The following PCDHA4 variants were observed in gnomAD, a reference collection of about 807,000 sequenced individuals.
The protein encoded by PCDHA4 is protocadherin alpha-4.
PCDHA4 carries 49 observed loss-of-function variants against 61.4 expected under a neutral mutation model. The ratio of observed to expected loss-of-function variants is 0.80; its 90% CI spans 0.63 to 1.01. The LOEUF is 1.01. Among genes scored for constraint, PCDHA4 ranks in the 50% least tolerant of loss-of-function variants. The pLI, the probability that PCDHA4 is intolerant of heterozygous loss-of-function variation, is 0.00. For synonymous variants in PCDHA4, 590 were observed against 550.3 expected, an observed-to-expected ratio of 1.07 and a Z score of -1.01; for missense variants, 1,254 against 1,235.8, an observed-to-expected ratio of 1.01 and a Z score of -0.22.
intron 1 of PCDHA4, among the ~76,000 whole-genome samples, chr5:140,916,747 G>T (rs1445361224): frequency 2.6e-5 from 4 of 152,220 alleles, no homozygotes; most frequent in African/African-American, 9.6e-5. Context: ...TTCACTGCCT[G>T]GGATTAGGGG....
chr5:140,943,491 G>A (rs1387185924), intron 1 of PCDHA4, among the ~76,000 whole-genome samples: 4 of 151,986 alleles, frequency 2.6e-5, no homozygotes, highest in Non-Finnish European at 5.9e-5. Context: ...ATAAATAGAT[G>A]CTATCAAGGT....
At chr5:140,823,090 A>T in intron 1 of PCDHA4, 1 of 1,614,038 alleles carries the variant, frequency 6.2e-7, no homozygotes, top group Non-Finnish European at 8.5e-7. Context: ...GGCCACCGCC[A>T]GCGTGTCTGT....
At chr5:140,863,076 G>A (rs782126148) in intron 1 of PCDHA4, 19 of 569,916 alleles carry the variant, frequency 3.3e-5, no homozygotes, top group South Asian at 2.5e-4. Context: ...GGCTCTGCAC[G>A]GGCGAGATCA....
At chr5:140,933,212 T>C (rs2088935461) in intron 1 of PCDHA4, among the ~76,000 whole-genome samples, 1 of 151,682 alleles carries the variant, frequency 6.6e-6, no homozygotes, top group African/African-American at 2.4e-5. Context: ...ATTACATGTC[T>C]GTTATATTGC....
chr5:140,910,053 G>C (rs2074856503), intron 1 of PCDHA4, among the ~76,000 whole-genome samples: 1 of 152,170 alleles, frequency 6.6e-6, no homozygotes, highest in Non-Finnish European at 1.5e-5. Context: ...CATAATAAGT[G>C]ATCTTTTAAC....
intron 1 of PCDHA4, among the ~76,000 whole-genome samples, chr5:140,904,904 C>G (rs1463349424): frequency 6.6e-6 from 1 of 151,948 alleles, no homozygotes; most frequent in Non-Finnish European, 1.5e-5. Context: ...GTTTTTCTTA[C>G]TGATTTGTTT....
intron 1 of PCDHA4, chr5:140,812,931 A>T (rs1192627991): frequency 6.6e-6 from 1 of 152,234 alleles, no homozygotes; most frequent in African/African-American, 2.4e-5. Context: ...TTTAATTTCT[A>T]CATATTTGCA....
chr5:140,944,182 GTTTGT>G (rs750577669), intron 1 of PCDHA4, among the ~76,000 whole-genome samples: 4 of 152,050 alleles, frequency 2.6e-5, no homozygotes, highest in African/African-American at 2.4e-5. Context: ...TTTTTTGTTG[GTTTGT>G]TTTGTTTTGT....
chr5:140,868,990 G>A (rs1554162367), intron 1 of PCDHA4: 39 of 1,511,606 alleles, frequency 2.6e-5, no homozygotes, highest in Non-Finnish European at 2.4e-5. Flanking sequence ...GGATGCCACC[G>A]TTTAAGGATC....
At chr5:140,882,201 C>T in intron 1 of PCDHA4, 1 of 1,528,460 alleles carries the variant, frequency 6.5e-7, no homozygotes, top group Non-Finnish European at 8.8e-7. Context: ...AAAATTGGGC[C>T]TTGAGAGACA....
rs1554124677 is a variant in PCDHA4 at position 140,808,653 on chromosome 5, T to C, written c.1466T>C (p.Leu489Pro). 2 of 1,613,224 alleles carry C rather than the reference T, an allele frequency of 1.2e-6. No homozygotes were observed. Among genetic ancestry groups the C allele is most frequent in the Admixed American group, 1.7e-5 (1 of 60,028 alleles). ...GACGCGGACGCGCAGGAGAACGCGC[T>C]GGTGTCCTACTCGCTGGTAGAGCGG... ...AWDADAQENA[L>P]VSYSLVERRV... Residue 489 changes from leucine to proline, a missense_variant, in exon 1 of 4, where the codon CTG becomes CCG. Physicochemically the swap from Leu to Pro is moderately conservative, Grantham distance 98 (BLOSUM62 -3). Coordinates refer to ENST00000530339, the MANE Select transcript of PCDHA4 (RefSeq NM_018907.4).
chr5:140,995,606 C>G (rs532220927), intron 3 of PCDHA4, among the ~76,000 whole-genome samples: 30 of 152,102 alleles, frequency 2.0e-4, no homozygotes, highest in Non-Finnish European at 3.7e-4. Context: ...TTTTTCTTCT[C>G]CCAAACCAAA....
intron 1 of PCDHA4, chr5:140,843,324 C>A: frequency 6.3e-7 from 1 of 1,596,010 alleles, no homozygotes; most frequent in Middle Eastern, 1.7e-4. Flanking sequence ...GTTCTGGTGT[C>A]GCTGGTGGAG....
At chr5:140,874,530 G>T (rs1332198120) in intron 1 of PCDHA4, among the ~76,000 whole-genome samples, 2 of 152,200 alleles carry the variant, frequency 1.3e-5, no homozygotes, top group Admixed American at 6.5e-5. Flanking sequence ...ATGAGATTAG[G>T]CTCCAAAACC....
intron 1 of PCDHA4, chr5:140,928,163 C>A: frequency 6.2e-7 from 1 of 1,614,204 alleles, no homozygotes; most frequent in Non-Finnish European, 8.5e-7. Flanking sequence ...GGCTCACCCC[C>A]ACTTAGCACC....
intron 1 of PCDHA4, among the ~76,000 whole-genome samples, chr5:140,953,973 C>T (rs958351959): frequency 6.6e-5 from 10 of 152,036 alleles, no homozygotes; most frequent in Non-Finnish European, 1.3e-4. Context: ...GTGTGTTGTT[C>T]CCCTTCATAT....
At chr5:140,953,228 G>C (rs2094861370) in intron 1 of PCDHA4, among the ~76,000 whole-genome samples, 2 of 152,124 alleles carry the variant, frequency 1.3e-5, no homozygotes, top group African/African-American at 4.8e-5. Context: ...CTTCTGCTTG[G>C]TAGCAGTTCA....
chr5:140,848,527 G>A (rs1379026024), intron 1 of PCDHA4: 2 of 1,594,382 alleles, frequency 1.3e-6, no homozygotes, highest in Admixed American at 1.7e-5. Context: ...GATCCAGAGG[G>A]TCAGCCTCTA....
chr5:140,862,807 C>A, intron 1 of PCDHA4: 1 of 572,850 alleles, frequency 1.7e-6, no homozygotes. Flanking sequence ...GGAGCTGCTG[C>A]AGTTCTAGGT....
Sources: gnomAD v4.1 joint callset for allele counts (sites outside exome capture counted in the v4.1 genomes callset) on GRCh38, gnomAD v4.1.1 for gene constraint, MANE v1.5 for transcripts, NCBI Gene and HGNC (gene_info 2026-07-23, HGNC 2026-07-21) for gene names.